The following SVEP1 variants were observed in gnomAD, a reference collection of about 807,000 sequenced individuals.
The protein encoded by SVEP1 is sushi, von Willebrand factor type A, EGF and pentraxin domain containing 1.
SVEP1 carries 164 observed loss-of-function variants against 367.3 expected under a neutral mutation model. That is an observed-to-expected ratio of 0.45 (90% CI 0.39 to 0.51). SVEP1 has a LOEUF of 0.51. Ranked by LOEUF, SVEP1 falls within the 20% of genes least tolerant of loss-of-function variation. The pLI, the probability that SVEP1 is intolerant of heterozygous loss-of-function variation, is 0.00. For missense variants in SVEP1, 4,117 were observed against 4,425.3 expected (o/e 0.93, Z 1.98); for synonymous variants, 1,666 against 1,611.6 (o/e 1.03, Z -0.81).
At chr9:110,559,703 G>C (rs1830400226) in intron 1 of SVEP1, among the ~76,000 whole-genome samples, 1 of 152,040 alleles carries the variant, frequency 6.6e-6, no homozygotes, top group African/African-American at 2.4e-5. Flanking sequence ...CTACAGCTAA[G>C]AATATGTTAA....
At chr9:110,468,635 A>T (rs1828973169) in intron 17 of SVEP1, among the ~76,000 whole-genome samples, 1 of 152,216 alleles carries the variant, frequency 6.6e-6, no homozygotes, top group Non-Finnish European at 1.5e-5. Flanking sequence ...GAATCTGAAC[A>T]AACAAGACTT....
chr9:110,397,703 G>T (rs1281196514), intron 40 of SVEP1, among the ~76,000 whole-genome samples: 2 of 151,626 alleles, frequency 1.3e-5, no homozygotes, highest in African/African-American at 4.8e-5. Flanking sequence ...ACCAATAAGA[G>T]AAACAGAGAG....
chr9:110,410,933 T>A, intron 37 of SVEP1, 130 bp downstream of exon 37: 1 of 686,626 alleles, frequency 1.5e-6, no homozygotes, highest in Non-Finnish European at 2.3e-6. Context: ...TTGTTAGTGA[T>A]AATAGTAAAT....
intron 40 of SVEP1, among the ~76,000 whole-genome samples, chr9:110,390,683 C>T (rs1009527367): frequency 6.6e-6 from 1 of 151,970 alleles, no homozygotes; most frequent in Non-Finnish European, 1.5e-5. Flanking sequence ...CAGTGATTCT[C>T]AGTCCTGGCT....
chr9:110,553,604 G>A lies in SVEP1; in HGVS notation c.532-3500C>T, dbSNP rs559672568. ...AAGGAGGTCACTTTAACCCCTCTGCGACACAGTTCAAAGATATCCAGGGGA... is the reference window on the plus strand; with the variant it reads ...AAGGAGGTCACTTTAACCCCTCTGCAACACAGTTCAAAGATATCCAGGGGA... On this transcript the variant is annotated intron_variant, in intron 1 of 47. Coordinates refer to ENST00000374469, the MANE Select transcript of SVEP1 (RefSeq NM_153366.4). 9.9e-5 allele frequency among the ~76,000 whole-genome samples: 15 copies of A among 152,256 alleles called. No individual in the cohort carries two copies. In the East Asian group the frequency reaches 2.3e-3, roughly 24 times the overall value.
At chr9:110,529,334 T>G (rs1829986639) in intron 3 of SVEP1, among the ~76,000 whole-genome samples, 1 of 152,182 alleles carries the variant, frequency 6.6e-6, no homozygotes, top group Admixed American at 6.6e-5. Context: ...TCTTTTTGCT[T>G]TGGCTCTTTG....
At chr9:110,483,411 A>G (rs1379066072) in intron 10 of SVEP1, among the ~76,000 whole-genome samples, 175 bp downstream of exon 10, 1 of 152,224 alleles carries the variant, frequency 6.6e-6, no homozygotes, top group Non-Finnish European at 1.5e-5. Flanking sequence ...GATAGGTAAG[A>G]TTGATAATGT....
chr9:110,429,854 G>T, intron 34 of SVEP1, 66 bp downstream of exon 34: 2 of 1,353,018 alleles, frequency 1.5e-6, no homozygotes, highest in Non-Finnish European at 1.0e-6. Context: ...CTTTCTTTCA[G>T]TGTTATATCA....
intron 41 of SVEP1, among the ~76,000 whole-genome samples, chr9:110,388,938 C>T (rs985683862): frequency 6.6e-6 from 1 of 151,786 alleles, no homozygotes; most frequent in Non-Finnish European, 1.5e-5. Flanking sequence ...TACTGCACTC[C>T]ACCCTGGGTG....
intron 1 of SVEP1, among the ~76,000 whole-genome samples, chr9:110,566,139 A>G (rs1035256143): frequency 6.6e-6 from 1 of 151,882 alleles, no homozygotes; most frequent in African/African-American, 2.4e-5. Context: ...GCAACATGGC[A>G]AAACCACATC....
intron 8 of SVEP1, among the ~76,000 whole-genome samples, chr9:110,495,439 GT>G (rs1222525146): frequency 5.9e-5 from 9 of 152,140 alleles, no homozygotes; most frequent in African/African-American, 2.2e-4. Context: ...AGAAAAAGAT[GT>G]GGTGGAAATA....
chr9:110,560,483 C>T (rs913120332), intron 1 of SVEP1, among the ~76,000 whole-genome samples: 6 of 152,146 alleles, frequency 3.9e-5, no homozygotes, highest in Middle Eastern at 3.2e-3. Context: ...TTTTCTCTTT[C>T]ATGCTTCCTT....
chr9:110,471,253 A>C, intron 16 of SVEP1, 111 bp downstream of exon 16: 1 of 903,154 alleles, frequency 1.1e-6, no homozygotes, highest in East Asian at 2.7e-5. Flanking sequence ...CCACACAACA[A>C]GAGCAAAATA....
At chr9:110,539,937 A>C (rs938380664) in intron 3 of SVEP1, among the ~76,000 whole-genome samples, 7 of 152,076 alleles carry the variant, frequency 4.6e-5, no homozygotes, top group African/African-American at 1.7e-4. Flanking sequence ...TCGAGCTCAT[A>C]TCCCAGCTCT....
At chr9:110,455,777 G>A in intron 21 of SVEP1, 74 bp from the exon 22 acceptor site, 2 of 1,191,094 alleles carry the variant, frequency 1.7e-6, no homozygotes, top group South Asian at 3.5e-5. Flanking sequence ...ATCATTTAAA[G>A]GTAATTATCT....
intron 47 of SVEP1, 43 bp from the exon 48 acceptor site, chr9:110,366,603 A>C (rs1231614597): frequency 1.9e-5 from 29 of 1,513,322 alleles, no homozygotes; most frequent in Non-Finnish European, 2.6e-5. Context: ...TCAAAAGAAA[A>C]AATTGAACTG....
chr9:110,483,201 TAA>T (rs1280155968), intron 10 of SVEP1, among the ~76,000 whole-genome samples: 1 of 152,224 alleles, frequency 6.6e-6, no homozygotes, highest in Non-Finnish European at 1.5e-5. Context: ...TGACCTTTTA[TAA>T]TTTTATTTGT....
intron 32 of SVEP1, among the ~76,000 whole-genome samples, chr9:110,430,812 T>G (rs577082969): frequency 2.0e-5 from 3 of 152,282 alleles, no homozygotes; most frequent in African/African-American, 7.2e-5. Context: ...GCAACTGACT[T>G]GGTGTCAGGC....
chr9:110,405,782 T>C (rs1827944724), intron 38 of SVEP1, among the ~76,000 whole-genome samples: 1 of 152,180 alleles, frequency 6.6e-6, no homozygotes, highest in Admixed American at 6.5e-5. Flanking sequence ...GTCCCCAATA[T>C]TTGCATGTGT....
Sources: allele counts gnomAD v4.1 joint callset (sites outside exome capture counted in the v4.1 genomes callset), GRCh38; gene constraint gnomAD v4.1.1; transcripts MANE v1.5; gene names NCBI Gene and HGNC (gene_info 2026-07-23, HGNC 2026-07-21).